MDN1: variants seen among roughly 807,000 people sequenced by gnomAD.
MDN1 encodes midasin AAA ATPase 1.
In MDN1, 266 loss-of-function variants were observed where a neutral mutation model predicts 669.2. That is an observed-to-expected ratio of 0.40 (90% CI 0.36 to 0.44). MDN1 has a LOEUF of 0.44. MDN1 is among the 20% of genes least tolerant of loss of function. MDN1 has a pLI of 1.00. For missense variants in MDN1, 5,940 were observed against 6,754.0 expected (o/e 0.88, Z 4.22); for synonymous variants, 2,385 against 2,457.1 (o/e 0.97, Z 0.87).
At position 89,702,773 on chromosome 6, in the gene MDN1, AT is replaced by A. The variant is rs769308604; in HGVS notation, c.8149-713del. Reference sequence around the variant, plus strand: ...AAATTTTGATGAAATCAATTTATCAATTTTTTTTCATTTAGAAAGAATCCTA... The same window carrying A: ...AAATTTTGATGAAATCAATTTATCAATTTTTTTCATTTAGAAAGAATCCTA... On this transcript the variant is annotated intron_variant, in intron 53 of 101. Coordinates refer to ENST00000369393, the MANE Select transcript of MDN1 (RefSeq NM_014611.3). Among the ~76,000 whole-genome samples, 33 of 152,040 alleles carry A rather than the reference AT, an allele frequency of 2.2e-4. No homozygotes were observed. In the East Asian group the frequency reaches 4.4e-3, roughly 20 times the overall value.
At chr6:89,808,143 G>A (rs1311083949) in intron 1 of MDN1, among the ~76,000 whole-genome samples, 1 of 150,084 alleles carries the variant, frequency 6.7e-6, no homozygotes, top group Non-Finnish European at 1.5e-5. Flanking sequence ...ACTTTTTAAA[G>A]TCCTTGTTTA....
At chr6:89,790,559 C>T (rs769976572) in intron 5 of MDN1, among the ~76,000 whole-genome samples, 158 bp from the exon 6 acceptor site, 22 of 152,250 alleles carry the variant, frequency 1.4e-4, no homozygotes, top group Non-Finnish European at 2.2e-4. Flanking sequence ...ATCTAAAGAT[C>T]TCATGGGCAT....
intron 88 of MDN1, among the ~76,000 whole-genome samples, 196 bp from the exon 89 acceptor site, chr6:89,659,113 A>C (rs1809536536): frequency 6.6e-6 from 1 of 152,234 alleles, no homozygotes; most frequent in Non-Finnish European, 1.5e-5. Flanking sequence ...ACTGTGGCAC[A>C]TGCCTATCAT....
Position 89,674,256 on chromosome 6 carries a change from A to G in MDN1, c.13095T>C (p.Ser4365=). The G allele has an allele frequency of 6.2e-7, 1 of 1,614,230 alleles. No homozygotes were observed. Among genetic ancestry groups the G allele is most frequent in the Non-Finnish European group, 8.5e-7 (1 of 1,180,042 alleles). Residue 4365 remains serine (S), a synonymous_variant, in exon 79 of 102, where the codon AGT becomes AGC. Coordinates refer to ENST00000369393, the MANE Select transcript of MDN1 (RefSeq NM_014611.3). ...GCATCCGGCAACCAGAGGGCAGCTG[A>G]CTTCCAGGTATTGGAGATGGGTAGC... ...NLSYPSPIPG[S]QLPSGCRMRK...
intron 65 of MDN1, 105 bp downstream of exon 65, chr6:89,689,765 T>C (rs1016057183): frequency 1.5e-6 from 2 of 1,335,854 alleles, no homozygotes; most frequent in Non-Finnish European, 2.0e-6. Context: ...TAAGGAATTA[T>C]GCGAAAACAG....
chr6:89,663,080 C>CT (rs1339824768), intron 85 of MDN1, 113 bp from the exon 86 acceptor site: 14 of 1,181,746 alleles, frequency 1.2e-5, no homozygotes, highest in Non-Finnish European at 1.7e-5. Flanking sequence ...GATTTATTGC[C>CT]TTTTTCTACA....
chr6:89,686,845 G>C, intron 69 of MDN1, 57 bp downstream of exon 69: 2 of 1,599,730 alleles, frequency 1.3e-6, no homozygotes, highest in Non-Finnish European at 1.7e-6. Flanking sequence ...ACACTTTGCA[G>C]CACTCCATTT....
chr6:89,787,632 T>C (rs547094036), intron 8 of MDN1, among the ~76,000 whole-genome samples: 1 of 146,918 alleles, frequency 6.8e-6, no homozygotes, highest in Admixed American at 7.1e-5. Context: ...GGTGAAGTGT[T>C]TTAAACTGGT....
chr6:89,697,505 C>T (rs924820692), intron 59 of MDN1, among the ~76,000 whole-genome samples: 1 of 151,824 alleles, frequency 6.6e-6, no homozygotes, highest in East Asian at 1.9e-4. Flanking sequence ...AAATATACTT[C>T]CAACTCATAT....
At chr6:89,658,154 G>A in intron 90 of MDN1, 55 bp downstream of exon 90, 1 of 1,599,782 alleles carries the variant, frequency 6.3e-7, no homozygotes, top group Non-Finnish European at 8.5e-7. Context: ...TGTCGGACAG[G>A]GAGAAGAGAC....
intron 11 of MDN1, among the ~76,000 whole-genome samples, chr6:89,777,665 T>A (rs1210956021): frequency 6.6e-6 from 1 of 152,172 alleles, no homozygotes; most frequent in Non-Finnish European, 1.5e-5. Context: ...CTCCTATAGA[T>A]AACACCACTA....
Position 89,685,839 on chromosome 6 carries a change from C to T in MDN1, c.11707G>A (p.Val3903Ile), listed in dbSNP as rs1010029934. The stretch of plus-strand genomic sequence containing the variant: ...AAAAAATCCTCACCCTTTCCTTCAA[C>T]CTGTGGCATCAGCAAGACATGACAA... ...FHCHVLLMPQ[V>I]EGKDSLCSVL... The change falls in exon 70 of 102, where the codon GTT becomes ATT. Residue 3903 changes from valine to isoleucine, a missense_variant. Coordinates refer to ENST00000369393, the MANE Select transcript of MDN1 (RefSeq NM_014611.3). The T allele has an allele frequency of 1.9e-6, 3 of 1,613,490 alleles. No individual in the cohort carries two copies. The African/African-American group carries it at 4.0e-5, about 22-fold the overall frequency.
intron 76 of MDN1, 152 bp from the exon 77 acceptor site, chr6:89,676,359 A>G (rs1811190565): frequency 4.5e-6 from 3 of 668,750 alleles, no homozygotes; most frequent in South Asian, 1.8e-5. Context: ...TGAGGCACTC[A>G]TTAGTCCTTT....
chr6:89,704,569 C>A lies in MDN1; in HGVS notation c.8148+1490G>T, dbSNP rs567058951. Reference sequence around the variant, plus strand: ...AAACTAATGCAGGGTCAAAGTCTATCCAAGGTGCAAACTAGGCCAATGAAT... The same window carrying A: ...AAACTAATGCAGGGTCAAAGTCTATACAAGGTGCAAACTAGGCCAATGAAT... On this transcript the variant is annotated intron_variant, in intron 53 of 101. Coordinates refer to ENST00000369393, the MANE Select transcript of MDN1 (RefSeq NM_014611.3). 5.5e-4 allele frequency among the ~76,000 whole-genome samples: 84 copies of A among 152,242 alleles called. 1 individual carries two copies. Among genetic ancestry groups the A allele is most frequent in the African/African-American group, 1.9e-3 (80 of 41,556 alleles).
intron 46 of MDN1, 96 bp downstream of exon 46, chr6:89,714,447 C>T (rs2128312360): frequency 9.0e-7 from 1 of 1,115,638 alleles, no homozygotes. Context: ...TCTATATACA[C>T]TAAATGTACG....
At position 89,655,857 on chromosome 6, in the gene MDN1, C is replaced by A. The variant is rs373526513; in HGVS notation, c.15397G>T (p.Gly5133Trp). ...TGGGCCTGGGGCTGCTGAGCTGGCC[C>A]CTGCTCGGCATGGCTGTCCGTATCC... is the stretch of plus-strand genomic sequence containing the variant. ...TVDTDSHAEQGPAQQPQAQVE... is the reference protein window; with the variant it reads ...TVDTDSHAEQWPAQQPQAQVE... The change falls in exon 92 of 102, where the codon GGG becomes TGG. Residue 5133 changes from glycine to tryptophan, a missense_variant. Around this residue, in one of 5 missense-constraint regions of MDN1, gnomAD observed 2,280 missense variants for 2,576.3 expected, o/e 0.88. Coordinates refer to ENST00000369393, the MANE Select transcript of MDN1 (RefSeq NM_014611.3). 17 of 1,613,972 alleles carry A rather than the reference C, an allele frequency of 1.1e-5. No individual in the cohort carries two copies. The highest frequency in any genetic ancestry group is 3.4e-6 in the Non-Finnish European group (4 of 1,180,034).
intron 39 of MDN1, 25 bp downstream of exon 39, chr6:89,723,487 G>A (rs917014666): frequency 3.8e-6 from 5 of 1,328,848 alleles, no homozygotes; most frequent in Non-Finnish European, 4.2e-6. Context: ...GAAAAAAAAA[G>A]AAACCAATAC....
chr6:89,726,482 G>GAAAAAAAAAAA (rs201576721), intron 37 of MDN1, among the ~76,000 whole-genome samples: 2 of 90,840 alleles, frequency 2.2e-5, no homozygotes, highest in South Asian at 4.0e-4. Context: ...AAGAAAAATA[G>GAAAAAAAAAAA]AAAAAAAAAA....
intron 64 of MDN1, 51 bp from the exon 65 acceptor site, chr6:89,690,194 T>TAATC: frequency 6.4e-7 from 1 of 1,560,312 alleles, no homozygotes; most frequent in African/African-American, 1.4e-5. Context: ...AATCTACTTC[T>TAATC]AATCAGACTA....
Sources: gnomAD v4.1 joint callset for allele counts (sites outside exome capture counted in the v4.1 genomes callset) on GRCh38, gnomAD v4.1.1 for gene constraint, gnomAD v4.1.1 regional missense constraint, MANE v1.5 for transcripts, NCBI Gene and HGNC (gene_info 2026-07-23, HGNC 2026-07-21) for gene names.